REDIC1: variants seen among roughly 807,000 people sequenced by gnomAD.
The protein encoded by REDIC1 is HEI10 Interacting Protein 1.
At chr12:39,711,971 A>G in the REDIC1 span, among the ~76,000 whole-genome samples, 3 of 128,724 alleles carry the variant, frequency 2.3e-5, no homozygotes, top group Non-Finnish European at 3.4e-5. Context: ...ATCTATGTAT[A>G]TATACATGTC....
chr12:39,710,642 G>T, the REDIC1 span, among the ~76,000 whole-genome samples: 1 of 151,526 alleles, frequency 6.6e-6, no homozygotes, highest in Non-Finnish European at 1.5e-5. Flanking sequence ...CATTCAAAAC[G>T]TACTCTCTAT....
At chr12:39,643,979 C>G in the REDIC1 span, 1 of 1,260,430 alleles carries the variant, frequency 7.9e-7, no homozygotes, top group South Asian at 1.6e-5. Flanking sequence ...GTTTAGTCTT[C>G]TAATTAGTTT....
the REDIC1 span, among the ~76,000 whole-genome samples, chr12:39,714,541 T>A: frequency 6.6e-6 from 1 of 151,600 alleles, no homozygotes; most frequent in African/African-American, 2.4e-5. Context: ...TTTTTTGAAT[T>A]TTTTGAATAT....
chr12:39,784,908 G>A, the REDIC1 span, among the ~76,000 whole-genome samples: 123,896 of 152,112 alleles, frequency 0.81, 50,654 homozygotes, highest in Non-Finnish European at 0.84. Flanking sequence ...ATGATTTAGG[G>A]TATCTGGTGG....
the REDIC1 span, among the ~76,000 whole-genome samples, chr12:39,692,537 C>CT: frequency 4.7e-5 from 7 of 150,316 alleles, no homozygotes; most frequent in Non-Finnish European, 1.0e-4. Flanking sequence ...CTGCAACTTG[C>CT]TTTTTTTTTT....
chr12:39,642,263 A>G, the REDIC1 span, among the ~76,000 whole-genome samples: 1 of 151,670 alleles, frequency 6.6e-6, no homozygotes, highest in African/African-American at 2.4e-5. Context: ...ATATGGGACA[A>G]ACTTCTTCAA....
the REDIC1 span, among the ~76,000 whole-genome samples, chr12:39,746,425 C>T: frequency 1.1e-4 from 16 of 152,212 alleles, no homozygotes; most frequent in South Asian, 8.3e-4. Flanking sequence ...ACAAAACTGC[C>T]GGGAAGCTCG....
the REDIC1 span, among the ~76,000 whole-genome samples, chr12:39,658,671 A>G: frequency 3.0e-4 from 45 of 152,118 alleles, 1 homozygote; most frequent in Middle Eastern, 0.01. Context: ...CTCTTTTTCT[A>G]CTTTTATTTA....
At chr12:39,807,791 C>T in the REDIC1 span, among the ~76,000 whole-genome samples, 2 of 152,104 alleles carry the variant, frequency 1.3e-5, no homozygotes, top group African/African-American at 4.8e-5. Context: ...CTAGGTGAGT[C>T]TAGCTATAAA....
the REDIC1 span, among the ~76,000 whole-genome samples, chr12:39,666,648 C>T: frequency 6.6e-6 from 1 of 152,120 alleles, no homozygotes; most frequent in Non-Finnish European, 1.5e-5. Context: ...ATGGTACCAG[C>T]TCCTCCTTGT....
the REDIC1 span, among the ~76,000 whole-genome samples, chr12:39,877,874 C>T: frequency 1.2e-4 from 19 of 152,156 alleles, no homozygotes; most frequent in Non-Finnish European, 2.6e-4. Flanking sequence ...ATGTAGTCCC[C>T]AGTGCTGAGG....
the REDIC1 span, among the ~76,000 whole-genome samples, chr12:39,904,455 C>T: frequency 6.6e-6 from 1 of 152,088 alleles, no homozygotes; most frequent in East Asian, 1.9e-4. Context: ...GACAGTAGTC[C>T]CAGGCCTGCC....
the REDIC1 span, chr12:39,760,381 A>C: frequency 1.3e-5 from 9 of 696,258 alleles, no homozygotes; most frequent in Admixed American, 1.2e-4. Context: ...TGGACCAAAA[A>C]ATTACTATGA....
chr12:39,855,581 T>G, the REDIC1 span, among the ~76,000 whole-genome samples: 1 of 152,234 alleles, frequency 6.6e-6, no homozygotes, highest in Non-Finnish European at 1.5e-5. Context: ...CTGTTTTTTT[T>G]GTTGTTGTTT....
chr12:39,895,522 A>G, the REDIC1 span, among the ~76,000 whole-genome samples: 11 of 4,628 alleles, frequency 2.4e-3, no homozygotes, highest in South Asian at 0.016. Flanking sequence ...AATTATATAT[A>G]TATATATATA....
At chr12:39,799,208 G>A in the REDIC1 span, among the ~76,000 whole-genome samples, 1 of 148,906 alleles carries the variant, frequency 6.7e-6, no homozygotes, top group Non-Finnish European at 1.5e-5. Flanking sequence ...TTCTACCTTG[G>A]ACTCTCGAGT....
chr12:39,659,438 C>A, the REDIC1 span, among the ~76,000 whole-genome samples: 1 of 152,038 alleles, frequency 6.6e-6, no homozygotes, highest in Non-Finnish European at 1.5e-5. Flanking sequence ...TACTTGAAAT[C>A]TCAGTTTACT....
the REDIC1 span, among the ~76,000 whole-genome samples, chr12:39,714,397 G>GCA: frequency 2.7e-5 from 1 of 36,372 alleles, no homozygotes; most frequent in African/African-American, 4.8e-5. Context: ...ATGTATATAT[G>GCA]TATATATATG....
chr12:39,648,086 T>C, the REDIC1 span: 25 of 730,268 alleles, frequency 3.4e-5, no homozygotes, highest in Non-Finnish European at 4.3e-5. Context: ...GCTATACATA[T>C]AAACAAATTA....
Sources: allele counts gnomAD v4.1 joint callset (sites outside exome capture counted in the v4.1 genomes callset), GRCh38; gene constraint gnomAD v4.1.1; transcripts MANE v1.5; gene names NCBI Gene and HGNC (gene_info 2026-07-23, HGNC 2026-07-21).